Variants in COPS7B observed in about 807,000 individuals in gnomAD.
The protein encoded by COPS7B is COP9 signalosome subunit 7B.
COPS7B carries 9 observed loss-of-function variants against 33.4 expected under a neutral mutation model. The ratio of observed to expected loss-of-function variants is 0.27; its 90% CI spans 0.16 to 0.47. COPS7B has a LOEUF of 0.47. Ranked by LOEUF, COPS7B falls within the 20% of genes least tolerant of loss-of-function variation. The probability of loss-of-function intolerance (pLI) is 0.99; values close to 1 mark genes in which losing one functional copy is unlikely to be tolerated. For missense variants in COPS7B, 242 were observed against 318.2 expected, an observed-to-expected ratio of 0.76 and a Z score of 1.82; for synonymous variants, 119 against 126.3, an observed-to-expected ratio of 0.94 and a Z score of 0.39.
At chr2:231,787,625 G>C (rs980626102) in intron 1 of COPS7B, among the ~76,000 whole-genome samples, 2 of 152,064 alleles carry the variant, frequency 1.3e-5, no homozygotes, top group African/African-American at 4.8e-5. Context: ...GTCGTATCAG[G>C]AGGAGGCCGA....
rs115875756 is a variant in COPS7B, at chr2:231,791,726, T to C, written c.163-7T>C. ...GGTCTGTGGTGAACTTTTTTTTTCC[T>C]CTTCAGCTTGCGGAAGGAGCTAATG... On this transcript the variant is annotated splice_region_variant and splice_polypyrimidine_tract_variant and intron_variant, in intron 2 of 6. Transcript: ENST00000350033. 0.012 allele frequency: 18,848 copies of C among 1,613,844 alleles called. 402 individuals are homozygous for C. Among genetic ancestry groups the C allele is most frequent in the African/African-American group, 0.062 (4,613 of 74,976 alleles).
At chr2:231,791,315 C>T (rs998645415) in intron 2 of COPS7B, 2 of 180,224 alleles carry the variant, frequency 1.1e-5, no homozygotes, top group African/African-American at 2.4e-5. Flanking sequence ...AACTTGGAAC[C>T]AACCCTGAGC....
At chr2:231,803,287 C>A (rs544626041) in intron 6 of COPS7B, among the ~76,000 whole-genome samples, 2 of 152,178 alleles carry the variant, frequency 1.3e-5, no homozygotes, top group African/African-American at 4.8e-5. Context: ...GGAGCGGTAA[C>A]CCCCGGGGTG....
At chr2:231,793,190 C>T in intron 3 of COPS7B, among the ~76,000 whole-genome samples, 1 of 152,194 alleles carries the variant, frequency 6.6e-6, no homozygotes, top group Non-Finnish European at 1.5e-5. Flanking sequence ...CTACACTCCT[C>T]GAAGTTAGAT....
intron 6 of COPS7B, among the ~76,000 whole-genome samples, chr2:231,806,820 G>T (rs79604022): frequency 0.013 from 2,024 of 152,308 alleles, 31 homozygotes; most frequent in Non-Finnish European, 0.018. Flanking sequence ...GGGCTGTTCA[G>T]AGTAGCACTG....
Position 231,807,709 on chromosome 2 carries a change from C to T in COPS7B, c.*64C>T. On this transcript the variant is annotated 3_prime_UTR_variant, in exon 7 of 7. Coordinates refer to ENST00000350033, the MANE Select transcript of COPS7B (RefSeq NM_022730.4). ...AGGTGGGGAGGGGACACCAAGGGCC[C>T]ATTTCCTCCCCTCTCTACCTGCAGT... 4 of 1,430,868 alleles carry T rather than the reference C, an allele frequency of 2.8e-6. No homozygotes were observed. The South Asian group carries it at 4.0e-5, about 14-fold the overall frequency. The allele number at this position is 1,430,868 out of a possible 1,614,324, so 88.6% of individuals were successfully genotyped here.
intron 6 of COPS7B, 93 bp downstream of exon 6, chr2:231,799,057 A>G: frequency 8.8e-7 from 1 of 1,135,180 alleles, no homozygotes. Context: ...ATCTTGGTGT[A>G]GATGAAACAA....
chr2:231,795,901 G>A (rs552275128), intron 4 of COPS7B, among the ~76,000 whole-genome samples: 1 of 152,340 alleles, frequency 6.6e-6, no homozygotes, highest in East Asian at 1.9e-4. Context: ...AGGAGGCAGA[G>A]AACCAGGAGG....
At chr2:231,784,071 GTGTCTGAGAGGGAGGGTGTA>G, upstream of COPS7B, among the ~76,000 whole-genome samples, 2 of 150,728 alleles carry the variant, frequency 1.3e-5, no homozygotes, top group Non-Finnish European at 2.9e-5. Flanking sequence ...CATAGGTGTG[GTGTCTGAGAGGGAGGGTGTA>G]AGTTGTGCCG....
At chr2:231,790,502 A>G (rs1334353319) in intron 2 of COPS7B, 1 of 152,248 alleles carries the variant, frequency 6.6e-6, no homozygotes, top group African/African-American at 2.4e-5. Flanking sequence ...GGTGCTTAGC[A>G]GACCACCTTT....
chr2:231,807,516 C>T lies in COPS7B; in HGVS notation c.666C>T (p.Ala222=), dbSNP rs1240206407. The change falls in exon 7 of 7, where the codon GCC becomes GCT. Residue 222 remains alanine (A), a synonymous_variant. Transcript: ENST00000350033. ...CCAACATCAAGAAGACACTCAAAGC[C>T]ACCGCATCCTCCTCGGCTCAGGAGA... ...EVTNIKKTLK[A]TASSSAQEME... is the part of the protein sequence containing the mutation. The T allele has an allele frequency of 2.5e-6, 4 of 1,613,510 alleles. No homozygotes were observed. Among genetic ancestry groups the T allele is most frequent in the Non-Finnish European group, 2.5e-6 (3 of 1,179,748 alleles).
chr2:231,784,488 G>GA (rs879785933), upstream of COPS7B, among the ~76,000 whole-genome samples: 171 of 149,766 alleles, frequency 1.1e-3, no homozygotes, highest in Non-Finnish European at 1.6e-3. Flanking sequence ...TCTCTTAAGG[G>GA]AAAAAAAAAC....
At chr2:231,803,028 AT>A (rs1191798796) in intron 6 of COPS7B, among the ~76,000 whole-genome samples, 2 of 152,222 alleles carry the variant, frequency 1.3e-5, no homozygotes, top group African/African-American at 2.4e-5. Context: ...GGATGTTTAC[AT>A]TTTGCCTCAA....
chr2:231,805,446 TTATATATA>T (rs67709919), intron 6 of COPS7B, among the ~76,000 whole-genome samples: 3 of 138,742 alleles, frequency 2.2e-5, no homozygotes, highest in Admixed American at 7.4e-5. Flanking sequence ...TTTTTAAATT[TTATATATA>T]TATATATATA....
rs1310335851 is a variant in COPS7B at position 231,808,545 on chromosome 2, T to C, written c.*900T>C. ...CTCTGTCTGCTGAAGGACCTGTTGC[T>C]GCTTCTGTCTTTTCACCCCTCCTTG... On this transcript the variant is annotated 3_prime_UTR_variant, in exon 7 of 7. Transcript: ENST00000350033. The C allele has an allele frequency of 2.1e-6, 1 of 471,216 alleles. No individual in the cohort carries two copies. The highest frequency in any genetic ancestry group is 4.4e-6 in the Non-Finnish European group (1 of 227,050). 29.2% of individuals were successfully genotyped at this position (471,216 alleles called of 1,614,324 possible).
intron 6 of COPS7B, 89 bp from the exon 7 acceptor site, chr2:231,807,398 A>G: frequency 8.0e-7 from 1 of 1,252,068 alleles, no homozygotes; most frequent in Non-Finnish European, 1.1e-6. Context: ...AGAGGATTTT[A>G]GCTTCCTGTC....
upstream of COPS7B, among the ~76,000 whole-genome samples, chr2:231,782,928 C>G (rs2049163190): frequency 6.6e-6 from 1 of 152,166 alleles, no homozygotes; most frequent in Non-Finnish European, 1.5e-5. Flanking sequence ...TAGAACATTT[C>G]TAGCACACTT....
intron 6 of COPS7B, 110 bp from the exon 7 acceptor site, chr2:231,807,377 G>A: frequency 2.8e-6 from 3 of 1,061,146 alleles, no homozygotes; most frequent in Middle Eastern, 2.1e-4. Flanking sequence ...GAGAATTTCA[G>A]GTTTTCTTGC....
upstream of COPS7B, among the ~76,000 whole-genome samples, chr2:231,782,622 C>A (rs898237742): frequency 5.3e-5 from 8 of 152,162 alleles, no homozygotes; most frequent in Non-Finnish European, 1.2e-4. Context: ...AGGTGAAGGA[C>A]ATGGTCACTG....
Sources: gnomAD v4.1 joint callset for allele counts (sites outside exome capture counted in the v4.1 genomes callset) on GRCh38, gnomAD v4.1.1 for gene constraint, MANE v1.5 for transcripts, NCBI Gene and HGNC (gene_info 2026-07-23, HGNC 2026-07-21) for gene names.